The following SHOC1 variants were observed in gnomAD, a reference collection of about 807,000 sequenced individuals.
The protein encoded by SHOC1 is shortage in chiasmata 1, also known as protein shortage in chiasmata 1 ortholog.
In SHOC1, 136 loss-of-function variants were observed where a neutral mutation model predicts 179.2. That is an observed-to-expected ratio of 0.76 (90% confidence interval 0.66 to 0.87). SHOC1 has a LOEUF of 0.87. Ranked by LOEUF, SHOC1 falls within the 40% of genes least tolerant of loss-of-function variation. SHOC1 has a pLI of 0.00. For synonymous variants in SHOC1, 489 were observed against 586.6 expected (o/e 0.83, Z 2.41); for missense variants, 1,538 against 1,700.8 (o/e 0.90, Z 1.68).
In SHOC1 at chr9:111,686,671, T is replaced by C. The variant is rs1831174400; in HGVS notation, c.*99A>G. 6 of 730,972 alleles carry C rather than the reference T, an allele frequency of 8.2e-6. No homozygotes were observed. The South Asian group carries it at 9.7e-5, about 12-fold the overall frequency. The allele number at this position is 730,972 out of a possible 1,614,324, so 45.3% of individuals were successfully genotyped here. On this transcript the variant is annotated 3_prime_UTR_variant, in exon 28 of 28. Transcript: ENST00000682961. ...AAATACTGAGACATATATGAACAAT[T>C]GTGTTTTCTTTAGTGTATGAGCAAA...
intron 5 of SHOC1, 45 bp from the exon 6 acceptor site, chr9:111,758,893 A>T: frequency 8.6e-7 from 1 of 1,162,696 alleles, no homozygotes; most frequent in South Asian, 1.6e-5. Context: ...AAAAACAAAA[A>T]GTTATCCAAA....
chr9:111,714,683 G>T, intron 16 of SHOC1, 60 bp from the exon 17 acceptor site: 1 of 1,410,340 alleles, frequency 7.1e-7, no homozygotes, highest in South Asian at 1.3e-5. Flanking sequence ...AAACTCCGTG[G>T]TAAAAAAGGC....
intron 27 of SHOC1, among the ~76,000 whole-genome samples, chr9:111,690,656 A>G (rs139721682): frequency 3.0e-4 from 46 of 152,294 alleles, no homozygotes; most frequent in Middle Eastern, 3.4e-3. Context: ...TTCAGCATCT[A>G]TTTTTCACAG....
chr9:111,769,981 TTTTTG>T (rs1399156514), intron 5 of SHOC1, among the ~76,000 whole-genome samples: 3,167 of 41,836 alleles, frequency 0.076, 208 homozygotes, highest in African/African-American at 0.17. Flanking sequence ...TTCTGTTTTT[TTTTTG>T]TTTTTTTTTT....
chr9:111,791,674 A>G (rs1459297511), intron 1 of SHOC1, among the ~76,000 whole-genome samples: 1 of 152,152 alleles, frequency 6.6e-6, no homozygotes, highest in Non-Finnish European at 1.5e-5. Flanking sequence ...TATAGCTGTT[A>G]GTTGGTTGGT....
rs758002551 is a variant in SHOC1, at chr9:111,692,540, G to T, written c.3466-29C>A. On this transcript the variant is annotated intron_variant, in intron 26 of 27. Coordinates refer to ENST00000682961, the MANE Select transcript of SHOC1 (RefSeq NM_001378211.1). ...AAAAATGAATTAATATAATGCAAAT[G>T]TCAGTTTAGTAAATATAAATAATGA... is the stretch of plus-strand genomic sequence containing the variant. The T allele has an allele frequency of 3.4e-6, 5 of 1,464,300 alleles. No homozygotes were observed. In the East Asian group the frequency reaches 9.1e-5, roughly 27 times the overall value. The allele number at this position is 1,464,300 out of a possible 1,614,324, so 90.7% of individuals were successfully genotyped here.
rs1380908899 is a variant in SHOC1 at position 111,775,948 on chromosome 9, C to T, written c.285G>A (p.Gln95=). The change falls in exon 5 of 28, where the codon CAG becomes CAA. Residue 95 remains glutamine, a synonymous_variant. Transcript: ENST00000682961. ...CAACTTCCTCAAATTCACAATTAAT[C>T]TGGGTCACCATTCTTGTAATTGTTT... The part of the protein sequence containing the change: ...EKKTITRMVT[Q]INCEFEEVVP... The T allele has an allele frequency of 3.1e-6, 5 of 1,612,994 alleles. No homozygotes were observed. In the African/African-American group the frequency reaches 5.3e-5, roughly 17 times the overall value.
intron 27 of SHOC1, among the ~76,000 whole-genome samples, chr9:111,689,449 A>G (rs1831329322): frequency 6.6e-6 from 1 of 151,724 alleles, no homozygotes; most frequent in African/African-American, 2.4e-5. Flanking sequence ...TAGAGATCCC[A>G]TATATACACT....
chr9:111,734,167 G>A (rs1454134810), intron 12 of SHOC1, among the ~76,000 whole-genome samples: 1 of 151,948 alleles, frequency 6.6e-6, no homozygotes, highest in Non-Finnish European at 1.5e-5. Context: ...TTGAAGTTTT[G>A]TGGCAATCTT....
At chr9:111,791,787 A>G (rs1451467305) in intron 1 of SHOC1, among the ~76,000 whole-genome samples, 1 of 150,968 alleles carries the variant, frequency 6.6e-6, no homozygotes, top group African/African-American at 2.4e-5. Context: ...GAGAATAACC[A>G]TATTTCTCAA....
intron 5 of SHOC1, among the ~76,000 whole-genome samples, chr9:111,766,010 A>G (rs545340027): frequency 3.7e-4 from 57 of 152,270 alleles, no homozygotes; most frequent in African/African-American, 1.3e-3. Flanking sequence ...TGTACAGTTC[A>G]GTGGTAATAA....
chr9:111,732,147 AG>A (rs1281442330), intron 12 of SHOC1, among the ~76,000 whole-genome samples: 1 of 152,234 alleles, frequency 6.6e-6, no homozygotes, highest in Admixed American at 6.5e-5. Flanking sequence ...GCCAATACCA[AG>A]TGTTAGCAAG....
chr9:111,686,961 T>C, intron 27 of SHOC1, 91 bp from the exon 28 acceptor site: 1 of 816,716 alleles, frequency 1.2e-6, no homozygotes, highest in Non-Finnish European at 1.8e-6. Context: ...TTTTTCTTTT[T>C]TGAGATGAAG....
Position 111,722,599 on chromosome 9 carries a change from AGC to A in SHOC1, c.1955-16_1955-15del. 3.2e-6 allele frequency: 5 copies of A among 1,587,050 alleles called. No individual in the cohort carries two copies. The highest frequency in any genetic ancestry group is 4.3e-6 in the Non-Finnish European group (5 of 1,173,656). ...GGCACTGGCTATCTGCAAAAATAAA[AGC>A]ATTAATGGCAGTGTTTTAATAAAGA... is the stretch of plus-strand genomic sequence containing the variant. On this transcript the variant is annotated splice_polypyrimidine_tract_variant and intron_variant, in intron 14 of 27. Transcript: ENST00000682961.
At chr9:111,786,503 A>ATTTTTTTTTTTTTTTTTTTTTT (rs34413616) in intron 2 of SHOC1, among the ~76,000 whole-genome samples, 1 of 110,270 alleles carries the variant, frequency 9.1e-6, no homozygotes, top group Non-Finnish European at 1.8e-5. Context: ...TGCTCTGCAG[A>ATTTTTTTTTTTTTTTTTTTTTT]TTTTTTTTTT....
chr9:111,706,674 C>T lies in SHOC1; in HGVS notation c.2631G>A (p.Val877=), dbSNP rs1392914574. 1 of 1,609,034 alleles carries T rather than the reference C, an allele frequency of 6.2e-7. No homozygotes were observed. The highest frequency in any genetic ancestry group is 1.7e-5 in the Admixed American group (1 of 59,676). Residue 877 remains valine, a synonymous_variant, in exon 20 of 28, where the codon GTG becomes GTA. Transcript: ENST00000682961. ...ADFPWSNFSF[V]VEYNYVEDSC... is the part of the protein sequence containing the mutation. ...AGTCTTCCACATAATTGTATTCCACCACAAATGAGAAATTACTCCAGGGGA... is the reference window on the plus strand; with the variant it reads ...AGTCTTCCACATAATTGTATTCCACTACAAATGAGAAATTACTCCAGGGGA...
In SHOC1 at chr9:111,791,568, A is replaced by G. The variant is rs74649988; in HGVS notation, c.-36-114T>C. On this transcript the variant is annotated intron_variant, in intron 1 of 27. Transcript: ENST00000682961. Reference sequence around the variant, plus strand: ...TTTAAAAAGGCTCTGAATGATAATCATTGGTAAAAATAATATACATTACTA... The same window carrying G: ...TTTAAAAAGGCTCTGAATGATAATCGTTGGTAAAAATAATATACATTACTA... The G allele has an allele frequency of 5.9e-3, 2,444 of 411,908 alleles. 63 individuals carry two copies. Among genetic ancestry groups the G allele is most frequent in the African/African-American group, 0.045 (2,215 of 48,798 alleles). 25.5% of individuals were successfully genotyped at this position (411,908 alleles called of 1,614,324 possible).
In SHOC1 at chr9:111,706,014, C is replaced by T. The variant is rs531865047; in HGVS notation, c.2737+554G>A. ...ATATTTGAGGTGAATAGAAAATAAT[C>T]GATGGCAAGTACTGAGAGAGATGCA... On this transcript the variant is annotated intron_variant, in intron 20 of 27. Coordinates refer to ENST00000682961, the MANE Select transcript of SHOC1 (RefSeq NM_001378211.1). 3.0e-4 allele frequency among the ~76,000 whole-genome samples: 46 copies of T among 152,104 alleles called. 1 individual carries two copies. In the South Asian group the frequency reaches 3.5e-3, roughly 12 times the overall value.
At chr9:111,712,870 A>G (rs1272961807) in intron 18 of SHOC1, among the ~76,000 whole-genome samples, 1 of 152,216 alleles carries the variant, frequency 6.6e-6, no homozygotes, top group Non-Finnish European at 1.5e-5. Flanking sequence ...TAAAAGTGTC[A>G]ATTATTAGTA....
Sources: gnomAD v4.1 joint callset for allele counts (sites outside exome capture counted in the v4.1 genomes callset) on GRCh38, gnomAD v4.1.1 for gene constraint, MANE v1.5 for transcripts, NCBI Gene and HGNC (gene_info 2026-07-23, HGNC 2026-07-21) for gene names.